EEA1: variants seen among roughly 807,000 people sequenced by gnomAD.
EEA1 encodes early endosome antigen 1, 162kD.
In EEA1, 111 loss-of-function variants were observed where a neutral mutation model predicts 209.2. The observed-to-expected ratio is 0.53, with a 90% CI of 0.45 to 0.62. EEA1 has a LOEUF of 0.62. Ranked by LOEUF, EEA1 falls within the 20% of genes least tolerant of loss-of-function variation. EEA1 has a pLI of 0.00. For missense variants in EEA1, 1,343 were observed against 1,530.8 expected (o/e 0.88, Z 2.05); for synonymous variants, 536 against 540.6 (o/e 0.99, Z 0.12).
intron 2 of EEA1, among the ~76,000 whole-genome samples, chr12:92,871,858 C>T (rs776624217): frequency 1.3e-5 from 2 of 152,064 alleles, no homozygotes; most frequent in African/African-American, 4.8e-5. Context: ...CTATGTAAGA[C>T]CTATTATCGG....
intron 20 of EEA1, 87 bp from the exon 21 acceptor site, chr12:92,799,173 C>A: frequency 8.4e-7 from 1 of 1,184,076 alleles, no homozygotes; most frequent in Non-Finnish European, 1.1e-6. Context: ...ATCTATTTAG[C>A]CTTCATTTGT....
At chr12:92,777,879 AAT>A in intron 26 of EEA1, 60 bp downstream of exon 26, 5 of 1,498,316 alleles carry the variant, frequency 3.3e-6, no homozygotes, top group Non-Finnish European at 4.6e-6. Flanking sequence ...AAAACTATGG[AAT>A]ATGACAATCT....
intron 2 of EEA1, among the ~76,000 whole-genome samples, chr12:92,876,749 G>T (rs1357396500): frequency 1.4e-5 from 2 of 147,704 alleles, no homozygotes; most frequent in Non-Finnish European, 3.0e-5. Context: ...TAAAAACAGA[G>T]AATTCGATAT....
In EEA1 at chr12:92,774,032, C is replaced by T. The variant is rs1873545086; in HGVS notation, c.*1979G>A. ...TAAACAAATATTCAAACCCAGATTT[C>T]TCATGGAATTTATTATCTCAAAAAA... is the stretch of plus-strand genomic sequence containing the variant. On this transcript the variant is annotated 3_prime_UTR_variant, in exon 29 of 29. Coordinates refer to ENST00000322349, the MANE Select transcript of EEA1 (RefSeq NM_003566.4). 7.7e-6 allele frequency: 1 copy of T among 129,580 alleles called. No homozygotes were observed. Among genetic ancestry groups the T allele is most frequent in the Admixed American group, 8.3e-5 (1 of 12,092 alleles). The allele number at this position is 129,580 out of a possible 1,614,324, so 8.0% of individuals were successfully genotyped here.
At chr12:92,838,629 T>A (rs1877032038) in intron 10 of EEA1, among the ~76,000 whole-genome samples, 2 of 152,148 alleles carry the variant, frequency 1.3e-5, no homozygotes, top group South Asian at 4.1e-4. Flanking sequence ...TAAACTGGTA[T>A]AATTACTTTG....
chr12:92,799,651 G>A lies in EEA1; in HGVS notation c.2773-565C>T, dbSNP rs149382180. 2.7e-3 allele frequency among the ~76,000 whole-genome samples: 412 copies of A among 152,148 alleles called. 3 individuals are homozygous for A. Among genetic ancestry groups the A allele is most frequent in the East Asian group, 0.01 (52 of 5,164 alleles). ...AATACAAAAAAATTAGCCGGGTGTGGTGGCAGGTGCCTGTAGTCCCAGCTA... is the reference window on the plus strand; with the variant it reads ...AATACAAAAAAATTAGCCGGGTGTGATGGCAGGTGCCTGTAGTCCCAGCTA... On this transcript the variant is annotated intron_variant, in intron 20 of 28. Coordinates refer to ENST00000322349, the MANE Select transcript of EEA1 (RefSeq NM_003566.4).
intron 28 of EEA1, among the ~76,000 whole-genome samples, chr12:92,776,403 T>C (rs1873659869): frequency 6.6e-6 from 1 of 151,958 alleles, no homozygotes; most frequent in Non-Finnish European, 1.5e-5. Flanking sequence ...AAAAAGTTTT[T>C]ATAAAGTATC....
chr12:92,809,523 T>TTAA (rs755934599), intron 17 of EEA1, among the ~76,000 whole-genome samples: 2 of 107,024 alleles, frequency 1.9e-5, no homozygotes, highest in Non-Finnish European at 3.7e-5. Flanking sequence ...TTATCTCTAC[T>TTAA]AAAAAAAAAA....
At chr12:92,903,973 T>G (rs1253050149) in intron 1 of EEA1, among the ~76,000 whole-genome samples, 1 of 152,106 alleles carries the variant, frequency 6.6e-6, no homozygotes, top group African/African-American at 2.4e-5. Context: ...CTGATTTTTT[T>G]TTTTTTGAGA....
intron 21 of EEA1, among the ~76,000 whole-genome samples, chr12:92,798,492 G>A (rs989719820): frequency 6.6e-6 from 1 of 151,822 alleles, no homozygotes; most frequent in African/African-American, 2.4e-5. Flanking sequence ...CAGCTAATTT[G>A]TGTATTTTTA....
chr12:92,857,744 C>A (rs911128468), intron 3 of EEA1, among the ~76,000 whole-genome samples: 10 of 152,270 alleles, frequency 6.6e-5, no homozygotes, highest in South Asian at 2.1e-4. Flanking sequence ...AGTGCCCAAG[C>A]CAAGAGGCAA....
At chr12:92,788,172 A>G (rs1050341629) in intron 21 of EEA1, 123 bp from the exon 22 acceptor site, 1 of 641,048 alleles carries the variant, frequency 1.6e-6, no homozygotes, top group Admixed American at 4.2e-5. Context: ...TTATGCCCCA[A>G]ATTTCTACCT....
chr12:92,847,712 C>T (rs1252687157), intron 9 of EEA1, among the ~76,000 whole-genome samples: 1 of 152,150 alleles, frequency 6.6e-6, no homozygotes, highest in African/African-American at 2.4e-5. Context: ...AAGGGAATGA[C>T]ACAGGCTTTG....
chr12:92,852,488 C>A (rs1877674352), intron 7 of EEA1, among the ~76,000 whole-genome samples, 192 bp from the exon 8 acceptor site: 1 of 151,824 alleles, frequency 6.6e-6, no homozygotes, highest in African/African-American at 2.4e-5. Flanking sequence ...ACATAAATTC[C>A]ACTCAACATT....
At chr12:92,892,408 G>A (rs189074494) in intron 1 of EEA1, among the ~76,000 whole-genome samples, 1 of 151,842 alleles carries the variant, frequency 6.6e-6, no homozygotes, top group African/African-American at 2.4e-5. Flanking sequence ...TGTACTGTCA[G>A]CAAAAATCAG....
chr12:92,876,807 G>A, intron 2 of EEA1, among the ~76,000 whole-genome samples: 1 of 133,520 alleles, frequency 7.5e-6, no homozygotes. Context: ...TGAAGCTATA[G>A]AGGTAAAAAG....
intron 17 of EEA1, 39 bp from the exon 18 acceptor site, chr12:92,809,195 A>G (rs1181464833): frequency 2.1e-6 from 3 of 1,459,698 alleles, no homozygotes; most frequent in Non-Finnish European, 2.8e-6. Flanking sequence ...TTTTAATATT[A>G]GTAATTATCA....
intron 11 of EEA1, among the ~76,000 whole-genome samples, chr12:92,829,134 A>ATG (rs1876478587): frequency 6.6e-6 from 1 of 152,086 alleles, no homozygotes; most frequent in Admixed American, 6.6e-5. Flanking sequence ...TAAATGAGGG[A>ATG]TGTGTCTTTT....
Position 92,778,164 on chromosome 12 carries a change from C to A in EEA1, c.3670G>T (p.Glu1224Ter). The change falls in exon 26 of 29, where the codon GAA becomes TAA. Residue 1224 changes from glutamate to a stop codon, truncating the protein, a stop_gained. Coordinates refer to ENST00000322349, the MANE Select transcript of EEA1 (RefSeq NM_003566.4). LOFTEE classifies it high-confidence loss of function. ...TGCTTCTTCATTCCTACTTCCTTTTCTTTTATTTCGGAATGCTGAAAAAAA... is the reference window on the plus strand; with the variant it reads ...TGCTTCTTCATTCCTACTTCCTTTTATTTTATTTCGGAATGCTGAAAAAAA... ...KEAKLHSEIK[E>*]KEVGMKKHEE... is the part of the protein sequence containing the mutation. 1.2e-6 allele frequency: 2 copies of A among 1,610,630 alleles called. No individual in the cohort carries two copies. The highest frequency in any genetic ancestry group is 8.5e-7 in the Non-Finnish European group (1 of 1,178,634).
Sources: gnomAD v4.1 joint callset for allele counts (sites outside exome capture counted in the v4.1 genomes callset) on GRCh38, gnomAD v4.1.1 for gene constraint, MANE v1.5 for transcripts, NCBI Gene and HGNC (gene_info 2026-07-23, HGNC 2026-07-21) for gene names.